The following COPRS variants were observed in gnomAD, a reference collection of about 807,000 sequenced individuals.
COPRS encodes coordinator of PRMT5 and differentiation stimulator, also known as cooperator of PRMT5.
In COPRS, 11 loss-of-function variants were observed where a neutral mutation model predicts 19.9. The ratio of observed to expected loss-of-function variants is 0.55; its 90% CI spans 0.35 to 0.92. The LOEUF (loss-of-function observed/expected upper bound fraction) is 0.92. COPRS is among the 40% of genes least tolerant of loss of function. COPRS has a pLI of 0.01. For missense variants in COPRS, 225 were observed against 229.9 expected, an observed-to-expected ratio of 0.98 and a Z score of 0.14; for synonymous variants, 81 against 82.7, an observed-to-expected ratio of 0.98 and a Z score of 0.11.
Position 31,852,172 on chromosome 17 carries a change from A to T in COPRS, c.522T>A (p.Phe174Leu), listed in dbSNP as rs761927967. The change falls in exon 4 of 4, where the codon TTT becomes TTA. Residue 174 changes from phenylalanine (F) to leucine (L), a missense_variant. By Grantham distance (22) the Phe-to-Leu change is conservative. This residue lies in a region of COPRS where 170 missense variants were observed against 171.4 expected (regional missense o/e 0.99). Transcript: ENST00000302362. ...PLIPYYSKMV[F>L]ETGQFDDAED ...CAGCATCGTCAAACTGTCCTGTTTCAAAGACCATCTTGGAATAATAGGGTA... is the reference window on the plus strand; with the variant it reads ...CAGCATCGTCAAACTGTCCTGTTTCTAAGACCATCTTGGAATAATAGGGTA... The T allele has an allele frequency of 6.2e-7, 1 of 1,614,166 alleles. No individual in the cohort carries two copies. Among genetic ancestry groups the T allele is most frequent in the Non-Finnish European group, 8.5e-7 (1 of 1,180,028 alleles).
At chr17:31,858,320 G>A in intron 1 of COPRS, 6 of 967,110 alleles carry the variant, frequency 6.2e-6, no homozygotes, top group Non-Finnish European at 7.4e-6. Flanking sequence ...ATTCTATTCT[G>A]CACTCCAAAG....
Position 31,852,198 on chromosome 17 carries a change from T to C in COPRS, c.496A>G (p.Ile166Val). The C allele has an allele frequency of 6.2e-7, 1 of 1,614,162 alleles. No homozygotes were observed. Among genetic ancestry groups the C allele is most frequent in the Non-Finnish European group, 8.5e-7 (1 of 1,180,028 alleles). Residue 166 changes from isoleucine (I) to valine (V), a missense_variant, in exon 4 of 4, where the codon ATA (isoleucine) becomes GTA (valine). By Grantham distance (29) the Ile-to-Val change is conservative (BLOSUM62 3). Coordinates refer to ENST00000302362, the MANE Select transcript of COPRS (RefSeq NM_018405.4). ...DPSWHHPPPL[I>V]PYYSKMVFET... ...AAGACCATCTTGGAATAATAGGGTA[T>C]CAGTGGAGGCGGATGGTGCCAGCTG...
At chr17:31,854,107 C>A (rs1207824697) in intron 2 of COPRS, among the ~76,000 whole-genome samples, 1 of 151,958 alleles carries the variant, frequency 6.6e-6, no homozygotes, top group East Asian at 1.9e-4. Flanking sequence ...GGTAGCTCAC[C>A]CTTGTAAACC....
intron 2 of COPRS, among the ~76,000 whole-genome samples, chr17:31,854,954 T>C (rs1338666923): frequency 6.6e-6 from 1 of 152,252 alleles, no homozygotes; most frequent in Non-Finnish European, 1.5e-5. Context: ...TTATATGCGT[T>C]AAAATGGTTA....
intron 1 of COPRS, among the ~76,000 whole-genome samples, chr17:31,858,590 G>C (rs888735788): frequency 3.9e-5 from 6 of 152,226 alleles, no homozygotes; most frequent in African/African-American, 1.4e-4. Flanking sequence ...TAGCTTACAT[G>C]AAAACAAGTT....
At chr17:31,857,021 T>C (rs1909379586) in intron 1 of COPRS, among the ~76,000 whole-genome samples, 156 bp from the exon 2 acceptor site, 1 of 152,202 alleles carries the variant, frequency 6.6e-6, no homozygotes, top group Non-Finnish European at 1.5e-5. Flanking sequence ...CCTGTTAAAC[T>C]GAGCAAGGCT....
intron 2 of COPRS, among the ~76,000 whole-genome samples, chr17:31,854,304 A>G (rs372066372): frequency 1.1e-4 from 13 of 123,750 alleles, no homozygotes; most frequent in East Asian, 5.6e-4. Context: ...TGGGAGGTGG[A>G]GGCTGCAGTG....
At chr17:31,858,176 A>C (rs577646034) in intron 1 of COPRS, among the ~76,000 whole-genome samples, 3 of 152,264 alleles carry the variant, frequency 2.0e-5, no homozygotes, top group African/African-American at 7.2e-5. Context: ...CAACCTGTTG[A>C]GCATAGTTCT....
intron 1 of COPRS, chr17:31,858,660 G>C: frequency 7.9e-7 from 1 of 1,258,664 alleles, no homozygotes; most frequent in East Asian, 2.5e-5. Flanking sequence ...GGGGGAGCGC[G>C]CATGTGACAT....
chr17:31,852,779 C>T (rs1480153742), intron 3 of COPRS, 33 bp downstream of exon 3: 2 of 1,510,466 alleles, frequency 1.3e-6, no homozygotes, highest in Admixed American at 3.3e-5. Flanking sequence ...CTGAGAAGGC[C>T]TAGTTCAGGA....
Position 31,852,801 on chromosome 17 carries a change from T to TCC in COPRS, c.385+9_385+10dup, listed in dbSNP as rs1372612117. 1 of 1,603,860 alleles carries TCC rather than the reference T, an allele frequency of 6.2e-7. No homozygotes were observed. The highest frequency in any genetic ancestry group is 2.2e-5 in the East Asian group (1 of 44,834). ...GGCCTAGTTCAGGACCCCCAGAGAC[T>TCC]CCACACCTACCATATGGATTCCCTT... On this transcript the variant is annotated intron_variant, in intron 3 of 3. Transcript: ENST00000302362.
intron 2 of COPRS, among the ~76,000 whole-genome samples, chr17:31,853,537 G>A (rs1395207961): frequency 8.5e-5 from 13 of 152,110 alleles, no homozygotes; most frequent in Middle Eastern, 3.4e-3. Flanking sequence ...CCGCCACCAC[G>A]CCCAGCTAAT....
At position 31,859,144 on chromosome 17, in the gene COPRS, C is replaced by T; in HGVS notation, c.56G>A (p.Gly19Asp). 1 of 1,078,068 alleles carries T rather than the reference C, an allele frequency of 9.3e-7. No homozygotes were observed. The highest frequency in any genetic ancestry group is 1.1e-6 in the Non-Finnish European group (1 of 892,286). The allele number at this position is 1,078,068 out of a possible 1,614,324, so 66.8% of individuals were successfully genotyped here. ...QAQGAAEPSR[G>D]PPLPSARGAP... The stretch of plus-strand genomic sequence containing the variant: ...CCCCCGCGCGCTAGGCAGCGGCGGG[C>T]CCCGAGACGGCTCCGCGGCCCCCTG... Residue 19 changes from glycine (G) to aspartate (D), a missense_variant, in exon 1 of 4, where the codon GGC (glycine) becomes GAC (aspartate). Gly to Asp is a moderately conservative substitution (Grantham distance 94). Around this residue, in one of 3 missense-constraint regions of COPRS, gnomAD observed 51 missense variants for 39.2 expected, o/e 1.30. Transcript: ENST00000302362.
chr17:31,855,999 A>AC (rs1188332473), intron 2 of COPRS, among the ~76,000 whole-genome samples: 2 of 151,410 alleles, frequency 1.3e-5, no homozygotes, highest in Non-Finnish European at 2.9e-5. Context: ...CCTCTCAAAA[A>AC]AAAAAAAAAA....
intron 2 of COPRS, among the ~76,000 whole-genome samples, chr17:31,855,783 G>A (rs1909327944): frequency 6.6e-6 from 1 of 152,126 alleles, no homozygotes; most frequent in East Asian, 1.9e-4. Context: ...ATCAGGTGAG[G>A]TCAGGAGTTC....
intron 2 of COPRS, among the ~76,000 whole-genome samples, chr17:31,855,729 C>G (rs1249416727): frequency 1.3e-5 from 2 of 151,326 alleles, no homozygotes; most frequent in African/African-American, 4.9e-5. Context: ...AGCGTGGTAG[C>G]TCACACCTGT....
intron 1 of COPRS, among the ~76,000 whole-genome samples, chr17:31,857,180 T>G (rs1312999753): frequency 6.6e-6 from 1 of 152,180 alleles, no homozygotes; most frequent in Admixed American, 6.5e-5. Context: ...TCACTGCACC[T>G]TCTCTTTAGA....
At chr17:31,858,900 C>T in intron 1 of COPRS, 1 of 1,511,632 alleles carries the variant, frequency 6.6e-7, no homozygotes, top group Non-Finnish European at 8.8e-7. Context: ...CCTCGGCTTT[C>T]CCCGCCCCGC....
Position 31,859,213 on chromosome 17 carries a change from C to T in COPRS, c.-14G>A, listed in dbSNP as rs1909462107. The T allele has an allele frequency of 9.7e-7, 1 of 1,027,526 alleles. No homozygotes were observed. 63.7% of individuals were successfully genotyped at this position (1,027,526 alleles called of 1,614,324 possible). On this transcript the variant is annotated 5_prime_UTR_variant, in exon 1 of 4. Transcript: ENST00000302362. ...CTGAAGGTCCATGCCCTGCGGCCCGCGGCTGGTCGCCCTGGACGCCGTGGG... is the reference window on the plus strand; with the variant it reads ...CTGAAGGTCCATGCCCTGCGGCCCGTGGCTGGTCGCCCTGGACGCCGTGGG...
Sources: allele counts gnomAD v4.1 joint callset (sites outside exome capture counted in the v4.1 genomes callset), GRCh38; gene constraint gnomAD v4.1.1; regional missense constraint gnomAD v4.1.1; transcripts MANE v1.5; gene names NCBI Gene and HGNC (gene_info 2026-07-23, HGNC 2026-07-21).